Variants in GALNT13 observed in about 807,000 individuals in gnomAD.
GALNT13 encodes UDP-GalNAc:polypeptide N-acetylgalactosaminyltransferase 13.
In GALNT13, 28 loss-of-function variants were observed where a neutral mutation model predicts 64.2. The observed-to-expected ratio is 0.44, with a 90% confidence interval of 0.32 to 0.60. The LOEUF is 0.60. Among genes scored for constraint, GALNT13 ranks in the 20% least tolerant of loss-of-function variants. The probability of loss-of-function intolerance (pLI) is 0.05; values close to 1 mark genes in which losing one functional copy is unlikely to be tolerated. For missense variants in GALNT13, 577 were observed against 669.8 expected, an observed-to-expected ratio of 0.86 and a Z score of 1.53; for synonymous variants, 214 against 224.6, an observed-to-expected ratio of 0.95 and a Z score of 0.42.
the GALNT13 span, among the ~76,000 whole-genome samples, chr2:153,284,770 G>A: frequency 1.3e-5 from 2 of 152,010 alleles, no homozygotes; most frequent in Non-Finnish European, 2.9e-5. Flanking sequence ...GGTGTCCTTC[G>A]TGAGTCCATG....
intron 1 of GALNT13, among the ~76,000 whole-genome samples, chr2:153,882,034 A>C (rs1284697141): frequency 6.6e-6 from 1 of 152,084 alleles, no homozygotes; most frequent in African/African-American, 2.4e-5. Flanking sequence ...TATCCATTTT[A>C]AGAGGAAGGA....
chr2:154,323,864 A>G (rs2105170729), intron 9 of GALNT13, among the ~76,000 whole-genome samples: 1 of 152,212 alleles, frequency 6.6e-6, no homozygotes, highest in South Asian at 2.1e-4. Flanking sequence ...TCTTTCTATG[A>G]GCAAAAGTTC....
At chr2:153,787,880 A>C in the GALNT13 span, among the ~76,000 whole-genome samples, 1 of 152,212 alleles carries the variant, frequency 6.6e-6, no homozygotes, top group Non-Finnish European at 1.5e-5. Context: ...CAATACAGTC[A>C]ACAAAAATAA....
chr2:153,837,013 G>T, the GALNT13 span, among the ~76,000 whole-genome samples: 11 of 151,540 alleles, frequency 7.3e-5, no homozygotes, highest in South Asian at 2.1e-3. Flanking sequence ...AGTCCTTTGG[G>T]TATATACCCA....
At chr2:153,883,174 A>T (rs1443269327) in intron 1 of GALNT13, among the ~76,000 whole-genome samples, 1 of 150,632 alleles carries the variant, frequency 6.6e-6, no homozygotes, top group Non-Finnish European at 1.5e-5. Context: ...TAAATGAGTA[A>T]GAAAAACTCT....
At chr2:153,393,940 CTCTGTCT>C in the GALNT13 span, among the ~76,000 whole-genome samples, 3 of 143,300 alleles carry the variant, frequency 2.1e-5, no homozygotes, top group Non-Finnish European at 4.5e-5. Context: ...TTCTCTGTCT[CTCTGTCT>C]ACACACACAC....
the GALNT13 span, among the ~76,000 whole-genome samples, chr2:153,262,773 A>G: frequency 1.3e-5 from 2 of 152,188 alleles, no homozygotes; most frequent in African/African-American, 4.8e-5. Flanking sequence ...AAAACTCTCA[A>G]TAAACTAGGT....
intron 9 of GALNT13, among the ~76,000 whole-genome samples, chr2:154,364,769 C>G (rs763681718): frequency 1.3e-5 from 2 of 152,172 alleles, no homozygotes; most frequent in Non-Finnish European, 2.9e-5. Context: ...CTCCCGAGTT[C>G]AAGCGATTCC....
intron 9 of GALNT13, among the ~76,000 whole-genome samples, chr2:154,369,549 G>C (rs1208844973): frequency 6.6e-6 from 1 of 152,010 alleles, no homozygotes; most frequent in Non-Finnish European, 1.5e-5. Context: ...ATTCTCTTGG[G>C]TTCTATGGTT....
At chr2:153,685,227 A>G in the GALNT13 span, among the ~76,000 whole-genome samples, 6 of 151,972 alleles carry the variant, frequency 3.9e-5, no homozygotes. Context: ...AGGAATTGCC[A>G]CACTGTCTTC....
chr2:154,415,929 G>A (rs769231878), intron 11 of GALNT13, among the ~76,000 whole-genome samples: 49 of 152,208 alleles, frequency 3.2e-4, no homozygotes, highest in Non-Finnish European at 5.7e-4. Flanking sequence ...GAGTAAATTT[G>A]CAAGTTAAAT....
chr2:153,982,673 G>C (rs1317727108), intron 3 of GALNT13, among the ~76,000 whole-genome samples: 1 of 151,970 alleles, frequency 6.6e-6, no homozygotes, highest in African/African-American at 2.4e-5. Context: ...CCTTTAACAA[G>C]CACCGTGATG....
chr2:153,169,037 C>T, the GALNT13 span, among the ~76,000 whole-genome samples: 3 of 151,964 alleles, frequency 2.0e-5, no homozygotes, highest in Admixed American at 1.3e-4. Context: ...CTAGTTATGC[C>T]GATAAAGGAG....
the GALNT13 span, among the ~76,000 whole-genome samples, chr2:153,565,510 T>A: frequency 5.0e-3 from 758 of 152,306 alleles, 4 homozygotes; most frequent in African/African-American, 0.017. Flanking sequence ...ATAGTGTGTG[T>A]GTGTGTAGAT....
Position 154,414,507 on chromosome 2 carries a change from A to ATTT in GALNT13, c.1395+5433_1395+5435dup, listed in dbSNP as rs11439962. Among the ~76,000 whole-genome samples, 729 of 149,350 alleles carry ATTT rather than the reference A, an allele frequency of 4.9e-3. 7 individuals carry two copies. Among genetic ancestry groups the ATTT allele is most frequent in the African/African-American group, 0.017 (680 of 40,896 alleles). On this transcript the variant is annotated intron_variant, in intron 11 of 12. Coordinates refer to ENST00000392825, the MANE Select transcript of GALNT13 (RefSeq NM_052917.4). ...CGCAGTGGCCAACCCTGTGTATTAT[A>ATTT]TTTTTTTTTTGTTTTTTATCTTTGC... is the stretch of plus-strand genomic sequence containing the variant.
the GALNT13 span, among the ~76,000 whole-genome samples, chr2:153,120,208 C>T: frequency 1.2e-4 from 18 of 152,292 alleles, no homozygotes; most frequent in African/African-American, 4.3e-4. Flanking sequence ...TGTTTCAATT[C>T]TACTTTAACC....
At chr2:153,733,075 A>G in the GALNT13 span, among the ~76,000 whole-genome samples, 1 of 152,152 alleles carries the variant, frequency 6.6e-6, no homozygotes, top group Non-Finnish European at 1.5e-5. Context: ...AAGAGTAGAA[A>G]GAAGATCTTG....
intron 1 of GALNT13, among the ~76,000 whole-genome samples, chr2:153,881,615 A>G (rs1206725887): frequency 6.6e-6 from 1 of 152,162 alleles, no homozygotes; most frequent in African/African-American, 2.4e-5. Flanking sequence ...TATCTATATA[A>G]AATGCTAATT....
the GALNT13 span, among the ~76,000 whole-genome samples, chr2:153,823,768 G>C: frequency 1.3e-5 from 2 of 152,044 alleles, no homozygotes; most frequent in African/African-American, 2.4e-5. Flanking sequence ...ATTGACAAGT[G>C]GGATCTAATT....
Sources: allele counts gnomAD v4.1 joint callset (sites outside exome capture counted in the v4.1 genomes callset), GRCh38; gene constraint gnomAD v4.1.1; transcripts MANE v1.5; gene names NCBI Gene and HGNC (gene_info 2026-07-23, HGNC 2026-07-21).